Variants in RAB39A observed in about 807,000 individuals in gnomAD.
The protein encoded by RAB39A is ras-related protein Rab-39A.
RAB39A carries 17 observed loss-of-function variants against 20.9 expected under a neutral mutation model. The ratio of observed to expected loss-of-function variants is 0.81; its 90% CI spans 0.56 to 1.22. The LOEUF is 1.22. Among genes scored for constraint, RAB39A ranks in the 50% most tolerant of loss-of-function variants. The pLI, the probability that RAB39A is intolerant of heterozygous loss-of-function variation, is 0.00. For synonymous variants in RAB39A, 99 were observed against 103.4 expected (o/e 0.96, Z 0.26); for missense variants, 234 against 270.5 (o/e 0.87, Z 0.95).
rs111933408 is a variant in RAB39A at position 107,954,244 on chromosome 11, G to T, written c.228-7702G>T. Among the ~76,000 whole-genome samples the T allele has an allele frequency of 9.6e-3, 1,458 of 152,298 alleles. 21 individuals are homozygous for T. The highest frequency in any genetic ancestry group is 0.032 in the African/African-American group (1,326 of 41,554). ...ATTAAGTCTATTGAGCCCAGGTACAGCTTCCATCTCCCTACCATGAGTTCA... is the reference window on the plus strand; with the variant it reads ...ATTAAGTCTATTGAGCCCAGGTACATCTTCCATCTCCCTACCATGAGTTCA... On this transcript the variant is annotated intron_variant, in intron 1 of 1. Transcript: ENST00000320578.
chr11:107,945,226 T>A (rs549598985), intron 1 of RAB39A, among the ~76,000 whole-genome samples: 2 of 146,680 alleles, frequency 1.4e-5, no homozygotes, highest in African/African-American at 5.1e-5. Flanking sequence ...CTTATGCCTG[T>A]AATCCCAGCA....
intron 1 of RAB39A, among the ~76,000 whole-genome samples, chr11:107,948,692 A>G (rs1861343955): frequency 1.3e-5 from 2 of 152,050 alleles, no homozygotes; most frequent in South Asian, 2.1e-4. Context: ...CGCCTTCCTC[A>G]GCCTCCCAAA....
At position 107,962,998 on chromosome 11, in the gene RAB39A, C is replaced by T. The variant is rs1861515059; in HGVS notation, c.*626C>T. 1 of 151,956 alleles carries T rather than the reference C, an allele frequency of 6.6e-6. No individual in the cohort carries two copies. The highest frequency in any genetic ancestry group is 1.5e-5 in the Non-Finnish European group (1 of 67,992). 9.4% of individuals were successfully genotyped at this position (151,956 alleles called of 1,614,324 possible). ...TGTTTTACAAAGATATCTAAGGATC[C>T]AAGCAAACTACTTTAAGCAAATATT... is the stretch of plus-strand genomic sequence containing the variant. On this transcript the variant is annotated 3_prime_UTR_variant, in exon 2 of 2. Transcript: ENST00000320578.
Position 107,928,522 on chromosome 11 carries a change from T to C in RAB39A, c.-47T>C. 1 of 1,376,586 alleles carries C rather than the reference T, an allele frequency of 7.3e-7. No homozygotes were observed. The highest frequency in any genetic ancestry group is 9.6e-7 in the Non-Finnish European group (1 of 1,039,284). 85.3% of individuals were successfully genotyped at this position (1,376,586 alleles called of 1,614,324 possible). On this transcript the variant is annotated 5_prime_UTR_variant, in exon 1 of 2. Transcript: ENST00000320578. The surrounding 1 kb of genome is among the most constrained non-coding windows in gnomAD (Gnocchi z 4.9). ...GAAAGGACAGTTCCCGCCGCCGAAC[T>C]TAGCCCGCGGGTGGGGCGGCCCGGG...
chr11:107,934,948 A>G (rs1474294440), intron 1 of RAB39A, among the ~76,000 whole-genome samples: 1 of 151,208 alleles, frequency 6.6e-6, no homozygotes, highest in East Asian at 1.9e-4. Context: ...AAAAAAAAAA[A>G]AAATAGAGAC....
Position 107,962,409 on chromosome 11 carries a change from G to T in RAB39A, c.*37G>T, listed in dbSNP as rs762566288. On this transcript the variant is annotated 3_prime_UTR_variant, in exon 2 of 2. Transcript: ENST00000320578. The stretch of plus-strand genomic sequence containing the variant: ...CTGAAGAACTAACAGGAACAGATTG[G>T]GTGTCAGTTCAGGATAAATACCAAC... 4.6e-6 allele frequency: 7 copies of T among 1,538,058 alleles called. No individual in the cohort carries two copies. In the African/African-American group the frequency reaches 8.3e-5, roughly 18 times the overall value.
At chr11:107,938,085 A>G (rs546815848) in intron 1 of RAB39A, among the ~76,000 whole-genome samples, 1 of 152,168 alleles carries the variant, frequency 6.6e-6, no homozygotes, top group African/African-American at 2.4e-5. Context: ...TGAGATGGCC[A>G]GGCATGGTGG....
At position 107,961,390 on chromosome 11, in the gene RAB39A, C is replaced by T. The variant is rs572501509; in HGVS notation, c.228-556C>T. ...ATTCACGAGGGTTCCACCCTCATGACCTAAATTACATCCCAAAGGCCCCTC... is the reference window on the plus strand; with the variant it reads ...ATTCACGAGGGTTCCACCCTCATGATCTAAATTACATCCCAAAGGCCCCTC... On this transcript the variant is annotated intron_variant, in intron 1 of 1. Transcript: ENST00000320578. 1.6e-3 allele frequency among the ~76,000 whole-genome samples: 237 copies of T among 152,202 alleles called. 1 individual carries two copies. The highest frequency in any genetic ancestry group is 5.5e-3 in the African/African-American group (229 of 41,538).
rs200508092 is a variant in RAB39A at position 107,953,523 on chromosome 11, A to G, written c.228-8423A>G. Among the ~76,000 whole-genome samples the G allele has an allele frequency of 1.6e-4, 25 of 152,266 alleles. No individual in the cohort carries two copies. In the East Asian group the frequency reaches 4.6e-3, roughly 28 times the overall value. ...CCTTTCTGCCTGCTCACCCCCTGCC[A>G]TAAGAAGCTCCAAATGGCTAGTCGG... On this transcript the variant is annotated intron_variant, in intron 1 of 1. Transcript: ENST00000320578.
intron 1 of RAB39A, among the ~76,000 whole-genome samples, chr11:107,938,062 T>C (rs552518740): frequency 6.6e-6 from 1 of 151,998 alleles, no homozygotes; most frequent in South Asian, 2.1e-4. Flanking sequence ...GAGAGTAAAA[T>C]GGTATATAAG....
At chr11:107,954,156 G>T (rs1050812622) in intron 1 of RAB39A, among the ~76,000 whole-genome samples, 18 of 152,158 alleles carry the variant, frequency 1.2e-4, no homozygotes, top group Non-Finnish European at 2.5e-4. Flanking sequence ...ACAATATTCA[G>T]GATGTCGGTA....
At chr11:107,948,588 C>A (rs575929501) in intron 1 of RAB39A, among the ~76,000 whole-genome samples, 1 of 152,204 alleles carries the variant, frequency 6.6e-6, no homozygotes, top group East Asian at 1.9e-4. Flanking sequence ...CAGCCTCAAC[C>A]TTTCCGGGCT....
intron 1 of RAB39A, among the ~76,000 whole-genome samples, chr11:107,939,243 C>CAAAAAA (rs138488479): frequency 2.9e-5 from 2 of 68,560 alleles, no homozygotes; most frequent in Non-Finnish European, 2.7e-5. Flanking sequence ...GACTCTGTCT[C>CAAAAAA]AAAAAAAAAA....
At chr11:107,938,556 C>T (rs1452009475) in intron 1 of RAB39A, among the ~76,000 whole-genome samples, 2 of 101,810 alleles carry the variant, frequency 2.0e-5, no homozygotes, top group Non-Finnish European at 3.9e-5. Context: ...ATAGTGAGAC[C>T]TCGTCTATAA....
chr11:107,928,818 G>A lies in RAB39A; in HGVS notation c.227+23G>A, dbSNP rs762439965. The stretch of plus-strand genomic sequence containing the variant: ...CAGGTAGGGACCCCGGGGACCTTGG[G>A]CACCGCGCCGCCCCCTCAGCCCGCC... On this transcript the variant is annotated intron_variant, in intron 1 of 1. Coordinates refer to ENST00000320578, the MANE Select transcript of RAB39A (RefSeq NM_017516.3). This position sits in a 1 kb window ranked among gnomAD's most constrained non-coding sequence, Gnocchi z 4.9. 4.0e-6 allele frequency: 6 copies of A among 1,483,582 alleles called. No homozygotes were observed. The highest frequency in any genetic ancestry group is 5.4e-6 in the Non-Finnish European group (6 of 1,101,570). 91.9% of individuals were successfully genotyped at this position (1,483,582 alleles called of 1,614,324 possible). A position where few individuals can be genotyped will look rare whatever the true frequency, so the allele number is the denominator to read the frequency against.
At chr11:107,955,741 G>A (rs2134972481) in intron 1 of RAB39A, among the ~76,000 whole-genome samples, 1 of 152,252 alleles carries the variant, frequency 6.6e-6, no homozygotes, top group South Asian at 2.1e-4. Flanking sequence ...AGGAGGCTGA[G>A]GCAGGAGAAG....
chr11:107,928,787 G>A lies in RAB39A; in HGVS notation c.219G>A (p.Glu73=), dbSNP rs935398867. 2.5e-6 allele frequency: 4 copies of A among 1,578,508 alleles called. No individual in the cohort carries two copies. Among genetic ancestry groups the A allele is most frequent in the Admixed American group, 3.6e-5 (2 of 56,318 alleles). The change falls in exon 1 of 2, where the codon GAG becomes GAA. Residue 73 remains glutamate, a synonymous_variant. Transcript: ENST00000320578. This position sits in a 1 kb window ranked among gnomAD's most constrained non-coding sequence, Gnocchi z 4.9. ...AGCTCTGGGACACGGCGGGACAGGA[G>A]CGGTTCAGGTAGGGACCCCGGGGAC... The part of the protein sequence containing the change: ...KLQLWDTAGQ[E]RFRSITRSYY...
chr11:107,949,203 C>T (rs143547031), intron 1 of RAB39A, among the ~76,000 whole-genome samples: 111 of 151,836 alleles, frequency 7.3e-4, no homozygotes, highest in Non-Finnish European at 1.1e-3. Flanking sequence ...CCCAGCTACT[C>T]GGGAGGCTGA....
intron 1 of RAB39A, among the ~76,000 whole-genome samples, chr11:107,957,882 C>G (rs752042351): frequency 2.0e-5 from 3 of 151,750 alleles, no homozygotes; most frequent in Non-Finnish European, 4.4e-5. Context: ...TCCATTAATT[C>G]AGGGAGACTT....
Sources: gnomAD v4.1 joint callset for allele counts (sites outside exome capture counted in the v4.1 genomes callset) on GRCh38, gnomAD v4.1.1 for gene constraint, Gnocchi (gnomAD v3.1) non-coding constraint, MANE v1.5 for transcripts, NCBI Gene and HGNC (gene_info 2026-07-23, HGNC 2026-07-21) for gene names.